Variants in CCDC73 observed in about 807,000 individuals in gnomAD.
The protein encoded by CCDC73 is coiled-coil domain-containing protein 73.
CCDC73 carries 95 observed loss-of-function variants against 116.5 expected under a neutral mutation model. That is an observed-to-expected ratio of 0.82 (90% CI 0.69 to 0.97). The LOEUF is 0.97. Among genes scored for constraint, CCDC73 ranks in the 50% least tolerant of loss-of-function variants. The probability of loss-of-function intolerance (pLI) is 0.00; values close to 1 mark genes in which losing one functional copy is unlikely to be tolerated. For synonymous variants in CCDC73, 398 were observed against 401.3 expected (o/e 0.99, Z 0.10); for missense variants, 1,066 against 1,206.8 (o/e 0.88, Z 1.73).
the CCDC73 span, among the ~76,000 whole-genome samples, chr11:32,823,689 C>T: frequency 6.6e-6 from 1 of 150,674 alleles, no homozygotes; most frequent in African/African-American, 2.4e-5. Context: ...CCTGATAACA[C>T]AGGAATCAAA....
chr11:32,629,770 CAA>C (rs33970031), intron 14 of CCDC73, among the ~76,000 whole-genome samples: 2 of 121,608 alleles, frequency 1.6e-5, no homozygotes, highest in Non-Finnish European at 1.7e-5. Flanking sequence ...CAATGCAAGC[CAA>C]AAAAAAAAAA....
In CCDC73 at chr11:32,687,962, C is replaced by T. The variant is rs186507905; in HGVS notation, c.391-4388G>A. On this transcript the variant is annotated intron_variant, in intron 6 of 17. Coordinates refer to ENST00000335185, the MANE Select transcript of CCDC73 (RefSeq NM_001008391.4). ...CCAGCTTGAATGGACTCCCACTGGCCAAACCAAGAATAATTTGATAAAAAT... is the reference window on the plus strand; with the variant it reads ...CCAGCTTGAATGGACTCCCACTGGCTAAACCAAGAATAATTTGATAAAAAT... Among the ~76,000 whole-genome samples, 264 of 152,062 alleles carry T rather than the reference C, an allele frequency of 1.7e-3. 4 individuals are homozygous for T. The highest frequency in any genetic ancestry group is 7.2e-4 in the Non-Finnish European group (49 of 67,976).
intron 1 of CCDC73, among the ~76,000 whole-genome samples, chr11:32,788,476 C>CT (rs35792191): frequency 0.12 from 16,330 of 140,072 alleles, 1,169 homozygotes; most frequent in African/African-American, 0.21. Flanking sequence ...TGGTACAAAT[C>CT]TTTTTTTTTT....
At chr11:32,620,031 G>A (rs976997769) in intron 14 of CCDC73, among the ~76,000 whole-genome samples, 3 of 152,194 alleles carry the variant, frequency 2.0e-5, no homozygotes, top group Admixed American at 6.5e-5. Context: ...CAGATTGAGA[G>A]AAACAGTAAA....
At chr11:32,637,812 C>G (rs1855696074) in intron 13 of CCDC73, among the ~76,000 whole-genome samples, 1 of 152,162 alleles carries the variant, frequency 6.6e-6, no homozygotes, top group African/African-American at 2.4e-5. Context: ...CTTCAAATTT[C>G]ACCTTTATGC....
At position 32,642,606 on chromosome 11, in the gene CCDC73, A is replaced by C. The variant is rs1002111370; in HGVS notation, c.940-524T>G. Among the ~76,000 whole-genome samples, 9 of 152,052 alleles carry C rather than the reference A, an allele frequency of 5.9e-5. 2 individuals carry two copies. Among genetic ancestry groups the C allele is most frequent in the Admixed American group, 4.6e-4 (7 of 15,262 alleles). On this transcript the variant is annotated intron_variant, in intron 12 of 17. Transcript: ENST00000335185. Reference sequence around the variant, plus strand: ...GAACTAACATAACAGAATCACTACCACACTCTCCCTCCCACAAAATAAACT... The same window carrying C: ...GAACTAACATAACAGAATCACTACCCCACTCTCCCTCCCACAAAATAAACT...
chr11:32,613,547 G>A lies in CCDC73; in HGVS notation c.2771C>T (p.Ser924Leu), dbSNP rs201737265. The change falls in exon 16 of 18, where the codon TCG becomes TTG. Residue 924 changes from serine to leucine, a missense_variant. Coordinates refer to ENST00000335185, the MANE Select transcript of CCDC73 (RefSeq NM_001008391.4). ...NHIESQTASS[S>L]TPCISLLLKE... ...CAGCAACAAAGAAATGCAAGGGGTC[G>A]AACTGCTCGCTGTTTGACTTTCAAT... 2.5e-5 allele frequency: 41 copies of A among 1,614,054 alleles called. No individual in the cohort carries two copies. Among genetic ancestry groups the A allele is most frequent in the East Asian group, 8.9e-5 (4 of 44,866 alleles).
At chr11:32,685,454 T>C (rs1476458796) in intron 6 of CCDC73, among the ~76,000 whole-genome samples, 1 of 152,008 alleles carries the variant, frequency 6.6e-6, no homozygotes, top group Non-Finnish European at 1.5e-5. Context: ...AGTAAAGACC[T>C]GGATAGAAGT....
the CCDC73 span, among the ~76,000 whole-genome samples, chr11:32,829,252 C>T: frequency 3.3e-5 from 5 of 152,176 alleles, no homozygotes; most frequent in Non-Finnish European, 7.3e-5. Flanking sequence ...TACAAGCACG[C>T]TCACTCAGGT....
At chr11:32,623,792 T>C (rs1855544144) in intron 14 of CCDC73, among the ~76,000 whole-genome samples, 1 of 152,210 alleles carries the variant, frequency 6.6e-6, no homozygotes, top group Non-Finnish European at 1.5e-5. Context: ...TCAAAAAGTT[T>C]TTTTGTTATT....
At position 32,767,051 on chromosome 11, in the gene CCDC73, C is replaced by T. The variant is rs569410642; in HGVS notation, c.-15-6793G>A. Among the ~76,000 whole-genome samples the T allele has an allele frequency of 7.3e-3, 1,107 of 152,266 alleles. 12 individuals carry two copies. Among genetic ancestry groups the T allele is most frequent in the African/African-American group, 0.025 (1,034 of 41,538 alleles). ...CAAAAGAACAAAGCTGGAGGCATCACGCTACCTGACTTCAAACTATACTAC... is the reference window on the plus strand; with the variant it reads ...CAAAAGAACAAAGCTGGAGGCATCATGCTACCTGACTTCAAACTATACTAC... On this transcript the variant is annotated intron_variant, in intron 1 of 17. Coordinates refer to ENST00000335185, the MANE Select transcript of CCDC73 (RefSeq NM_001008391.4).
chr11:32,714,551 C>T (rs1445094503), intron 3 of CCDC73, among the ~76,000 whole-genome samples: 2 of 152,100 alleles, frequency 1.3e-5, no homozygotes, highest in Non-Finnish European at 2.9e-5. Context: ...CTACCAAGAA[C>T]TGCCAGCACA....
the CCDC73 span, among the ~76,000 whole-genome samples, chr11:32,812,096 C>T: frequency 2.0e-5 from 3 of 152,146 alleles, no homozygotes; most frequent in Admixed American, 2.0e-4. Flanking sequence ...AAATGGTTTT[C>T]TGGATATATT....
intron 12 of CCDC73, among the ~76,000 whole-genome samples, chr11:32,650,521 A>G (rs1855817137): frequency 6.6e-6 from 1 of 152,230 alleles, no homozygotes; most frequent in Non-Finnish European, 1.5e-5. Context: ...AAGGTTCAAC[A>G]TATTAGAGAA....
At chr11:32,785,296 A>G (rs951723296) in intron 1 of CCDC73, among the ~76,000 whole-genome samples, 24 of 152,240 alleles carry the variant, frequency 1.6e-4, no homozygotes, top group Admixed American at 2.6e-4. Context: ...ATACCAGATT[A>G]CAATGTGAAA....
intron 14 of CCDC73, among the ~76,000 whole-genome samples, chr11:32,622,239 G>A (rs1855528433): frequency 6.6e-6 from 1 of 152,162 alleles, no homozygotes; most frequent in Non-Finnish European, 1.5e-5. Flanking sequence ...ATTCGCAATA[G>A]CAAAGACACG....
intron 14 of CCDC73, among the ~76,000 whole-genome samples, chr11:32,627,222 C>T (rs183601612): frequency 6.6e-6 from 1 of 152,192 alleles, no homozygotes; most frequent in Non-Finnish European, 1.5e-5. Context: ...TGAAAAAATT[C>T]TCATCATCAC....
At chr11:32,641,147 A>G (rs1363628336) in intron 13 of CCDC73, among the ~76,000 whole-genome samples, 1 of 152,246 alleles carries the variant, frequency 6.6e-6, no homozygotes, top group East Asian at 1.9e-4. Context: ...TGGTATTTAG[A>G]TATCCATTAC....
the CCDC73 span, among the ~76,000 whole-genome samples, chr11:32,819,372 T>C: frequency 6.6e-6 from 1 of 152,064 alleles, no homozygotes; most frequent in Admixed American, 6.5e-5. Context: ...TACACTCGGC[T>C]GAAATGCAAC....
Sources: allele counts gnomAD v4.1 joint callset (sites outside exome capture counted in the v4.1 genomes callset), GRCh38; gene constraint gnomAD v4.1.1; transcripts MANE v1.5; gene names NCBI Gene and HGNC (gene_info 2026-07-23, HGNC 2026-07-21).